ARMC2: variants seen among roughly 807,000 people sequenced by gnomAD.
The protein encoded by ARMC2 is armadillo repeat-containing protein 2.
In ARMC2, 67 loss-of-function variants were observed where a neutral mutation model predicts 90.3. The observed-to-expected ratio is 0.74, with a 90% CI of 0.61 to 0.91. The LOEUF (loss-of-function observed/expected upper bound fraction) is 0.91, where lower values mean the gene tolerates loss of function less well. Ranked by LOEUF, ARMC2 falls within the 40% of genes least tolerant of loss-of-function variation. The pLI, the probability that ARMC2 is intolerant of heterozygous loss-of-function variation, is 0.00. For missense variants in ARMC2, 920 were observed against 1,030.9 expected (o/e 0.89, Z 1.47); for synonymous variants, 393 against 393.0 (o/e 1.00, Z 0.00).
chr6:108,889,564 C>T (rs1179111114), intron 5 of ARMC2, among the ~76,000 whole-genome samples: 3 of 151,958 alleles, frequency 2.0e-5, no homozygotes, highest in Non-Finnish European at 4.4e-5. Context: ...CCTCAGCCTC[C>T]AAAGTGGCCG....
downstream of ARMC2, among the ~76,000 whole-genome samples, chr6:108,979,121 T>C (rs574989832): frequency 6.6e-6 from 1 of 152,348 alleles, no homozygotes; most frequent in South Asian, 2.1e-4. Context: ...GTTTTTGCTG[T>C]GGCTGGTACC....
At chr6:108,898,200 G>A (rs116121381) in intron 6 of ARMC2, among the ~76,000 whole-genome samples, 3 of 152,098 alleles carry the variant, frequency 2.0e-5, no homozygotes, top group Non-Finnish European at 4.4e-5. Flanking sequence ...TGTCCTTTGT[G>A]CAAAGTAACC....
At chr6:108,880,918 C>T (rs538995327) in intron 5 of ARMC2, among the ~76,000 whole-genome samples, 1 of 151,680 alleles carries the variant, frequency 6.6e-6, no homozygotes, top group African/African-American at 2.4e-5. Flanking sequence ...TGCAGTGGCA[C>T]AATCTTGGCT....
chr6:108,882,606 AAAAC>A (rs1166662564), intron 5 of ARMC2, among the ~76,000 whole-genome samples: 1 of 152,192 alleles, frequency 6.6e-6, no homozygotes, highest in Non-Finnish European at 1.5e-5. Flanking sequence ...AAATTAGAAT[AAAAC>A]AGGTGAAAAT....
chr6:108,980,138 T>A, the ARMC2 span, among the ~76,000 whole-genome samples: 1 of 152,120 alleles, frequency 6.6e-6, no homozygotes, highest in South Asian at 2.1e-4. Flanking sequence ...TTTACCTACC[T>A]TTGGTCTTTG....
chr6:109,046,251 G>A, the ARMC2 span, among the ~76,000 whole-genome samples: 3 of 151,142 alleles, frequency 2.0e-5, no homozygotes, highest in Admixed American at 6.6e-5. Context: ...GCGCCGCCAC[G>A]CCTGACTGGT....
At chr6:108,991,590 C>T in the ARMC2 span, among the ~76,000 whole-genome samples, 1 of 152,164 alleles carries the variant, frequency 6.6e-6, no homozygotes, top group African/African-American at 2.4e-5. Context: ...ATTCCTTCTC[C>T]TACCTGCACT....
At chr6:108,915,020 T>A (rs1773806241) in intron 10 of ARMC2, among the ~76,000 whole-genome samples, 1 of 152,054 alleles carries the variant, frequency 6.6e-6, no homozygotes, top group Non-Finnish European at 1.5e-5. Flanking sequence ...TGGTGTGACC[T>A]TGGCTCACTG....
the ARMC2 span, among the ~76,000 whole-genome samples, chr6:109,027,583 C>T: frequency 6.8e-6 from 1 of 147,644 alleles, no homozygotes; most frequent in Admixed American, 6.8e-5. Context: ...TTGTTCTTAA[C>T]AAGTGATTTT....
intron 2 of ARMC2, among the ~76,000 whole-genome samples, chr6:108,856,903 C>T (rs1191171198): frequency 6.6e-6 from 1 of 152,190 alleles, no homozygotes; most frequent in East Asian, 1.9e-4. Context: ...GTTTTGTGCC[C>T]TCTATTCTGT....
intron 17 of ARMC2, among the ~76,000 whole-genome samples, chr6:108,969,533 G>A (rs181929009): frequency 1.3e-5 from 2 of 152,100 alleles, no homozygotes; most frequent in African/African-American, 2.4e-5. Flanking sequence ...TCACACTGCA[G>A]GTCAGGAAAA....
At chr6:108,939,779 C>T (rs1372239043) in intron 12 of ARMC2, among the ~76,000 whole-genome samples, 1 of 152,166 alleles carries the variant, frequency 6.6e-6, no homozygotes, top group Non-Finnish European at 1.5e-5. Flanking sequence ...TTATTCAGAA[C>T]CATCAAAGAA....
At chr6:109,028,268 G>A in the ARMC2 span, among the ~76,000 whole-genome samples, 1 of 152,124 alleles carries the variant, frequency 6.6e-6, no homozygotes, top group African/African-American at 2.4e-5. Flanking sequence ...GGGATTATGG[G>A]TGAAGGGCAT....
At chr6:109,017,411 A>T in the ARMC2 span, among the ~76,000 whole-genome samples, 1 of 151,946 alleles carries the variant, frequency 6.6e-6, no homozygotes, top group African/African-American at 2.4e-5. Flanking sequence ...TCAGCCTCCC[A>T]AGCAGCTGGG....
chr6:108,940,632 C>T (rs950526661), intron 12 of ARMC2, among the ~76,000 whole-genome samples: 3 of 152,160 alleles, frequency 2.0e-5, no homozygotes, highest in African/African-American at 7.2e-5. Flanking sequence ...TGCCTAGTCC[C>T]AGGTATTCTT....
At chr6:109,045,579 T>C in the ARMC2 span, among the ~76,000 whole-genome samples, 3 of 152,238 alleles carry the variant, frequency 2.0e-5, no homozygotes, top group Non-Finnish European at 4.4e-5. Flanking sequence ...CTAATCTCTC[T>C]GACCAGAGCA....
chr6:108,937,041 C>G, intron 12 of ARMC2, 42 bp downstream of exon 12: 1 of 1,462,572 alleles, frequency 6.8e-7, no homozygotes, highest in Non-Finnish European at 9.4e-7. Flanking sequence ...AGTCTTTACA[C>G]TAATGTGTTT....
At chr6:109,000,470 A>G in the ARMC2 span, 1 of 1,477,994 alleles carries the variant, frequency 6.8e-7, no homozygotes, top group East Asian at 2.5e-5. Flanking sequence ...GACTCCCAAG[A>G]TATATTACCC....
intron 10 of ARMC2, among the ~76,000 whole-genome samples, chr6:108,915,277 C>CT (rs1342555629): frequency 1.3e-5 from 2 of 152,056 alleles, no homozygotes; most frequent in African/African-American, 2.4e-5. Flanking sequence ...TTAAAAGCAG[C>CT]TTTTTTCAAT....
Sources: gnomAD v4.1 joint callset for allele counts (sites outside exome capture counted in the v4.1 genomes callset) on GRCh38, gnomAD v4.1.1 for gene constraint, MANE v1.5 for transcripts, NCBI Gene and HGNC (gene_info 2026-07-23, HGNC 2026-07-21) for gene names.